RBFOX1: variants seen among roughly 807,000 people sequenced by gnomAD.
RBFOX1 encodes the protein RNA binding fox-1 homolog 1.
A neutral mutation model predicts 57.7 loss-of-function variants in RBFOX1; 8 were observed. The observed-to-expected ratio is 0.14, with a 90% CI of 0.08 to 0.25. RBFOX1 has a LOEUF of 0.25. Ranked by LOEUF, RBFOX1 falls within the 10% of genes least tolerant of loss-of-function variation. The probability of loss-of-function intolerance (pLI) is 1.00; values close to 1 mark genes in which losing one functional copy is unlikely to be tolerated. For missense variants in RBFOX1, 611 were observed against 548.5 expected (o/e 1.11, Z -1.14); for synonymous variants, 326 against 222.4 (o/e 1.47, Z -4.15).
intron 3 of RBFOX1, among the ~76,000 whole-genome samples, chr16:5,770,319 C>T (rs1434626276): frequency 6.6e-6 from 1 of 152,180 alleles, no homozygotes; most frequent in Non-Finnish European, 1.5e-5. Context: ...GCCCTCACTG[C>T]TCTTTGTATG....
chr16:6,691,973 T>C (rs1052709655), intron 3 of RBFOX1, among the ~76,000 whole-genome samples: 1 of 152,110 alleles, frequency 6.6e-6, no homozygotes, highest in African/African-American at 2.4e-5. Context: ...GCTGGAAAAG[T>C]TAGGGACATG....
At chr16:6,848,176 C>G (rs1471912732) in intron 3 of RBFOX1, among the ~76,000 whole-genome samples, 1 of 152,042 alleles carries the variant, frequency 6.6e-6, no homozygotes, top group Non-Finnish European at 1.5e-5. Flanking sequence ...AGGCTGATCA[C>G]AGCCTCCTTG....
intron 10 of RBFOX1, among the ~76,000 whole-genome samples, chr16:7,611,069 G>T (rs2057379331): frequency 6.6e-6 from 1 of 152,156 alleles, no homozygotes; most frequent in South Asian, 2.1e-4. Context: ...ATATAAGGTT[G>T]TGTGTTAATG....
chr16:5,553,361 G>C (rs983732369), intron 2 of RBFOX1, among the ~76,000 whole-genome samples: 6 of 151,048 alleles, frequency 4.0e-5, no homozygotes, highest in African/African-American at 1.5e-4. Flanking sequence ...TTTTACCCGG[G>C]CCAGAGTGCA....
intron 4 of RBFOX1, among the ~76,000 whole-genome samples, chr16:7,441,966 T>C (rs755890489): frequency 1.3e-5 from 2 of 152,366 alleles, no homozygotes; most frequent in South Asian, 2.1e-4. Context: ...GCCCGTTCTT[T>C]GCTGCCATGC....
chr16:7,683,026 A>ATGTGTGTGTG (rs2075256688), intron 14 of RBFOX1, among the ~76,000 whole-genome samples: 2 of 89,162 alleles, frequency 2.2e-5, no homozygotes, highest in African/African-American at 3.8e-5. Context: ...ATATATATAT[A>ATGTGTGTGTG]TATATATAAA....
At chr16:6,256,273 ATATATATATG>A (rs2097666086) in intron 1 of RBFOX1, among the ~76,000 whole-genome samples, 1 of 116,700 alleles carries the variant, frequency 8.6e-6, no homozygotes, top group African/African-American at 4.2e-5. Context: ...ATATATATGT[ATATATATATG>A]TGTGTATATA....
At chr16:7,416,516 C>T (rs950494991) in intron 4 of RBFOX1, among the ~76,000 whole-genome samples, 2 of 152,060 alleles carry the variant, frequency 1.3e-5, no homozygotes, top group African/African-American at 2.4e-5. Flanking sequence ...GCCTTGTAGA[C>T]AAGATGGGGA....
At chr16:6,171,169 C>G (rs577303992) in intron 1 of RBFOX1, among the ~76,000 whole-genome samples, 3 of 152,264 alleles carry the variant, frequency 2.0e-5, no homozygotes, top group South Asian at 4.1e-4. Flanking sequence ...AGGATCTCTT[C>G]TTCCCTCTCT....
At chr16:7,249,342 C>T (rs1407558793) in intron 4 of RBFOX1, among the ~76,000 whole-genome samples, 2 of 151,982 alleles carry the variant, frequency 1.3e-5, no homozygotes, top group Non-Finnish European at 1.5e-5. Flanking sequence ...ATAGGAGGAG[C>T]CTGGAGGACA....
intron 4 of RBFOX1, among the ~76,000 whole-genome samples, chr16:7,093,488 T>A (rs2061198345): frequency 6.6e-6 from 1 of 152,220 alleles, no homozygotes; most frequent in Admixed American, 6.5e-5. Context: ...TGGAAAGGGC[T>A]AGTTTCCCAG....
chr16:5,289,177 A>G, intron 1 of RBFOX1: 1 of 269,070 alleles, frequency 3.7e-6, no homozygotes, highest in Non-Finnish European at 7.6e-6. Flanking sequence ...CACTGATGTA[A>G]TGAGGCCTCC....
chr16:6,503,829 G>C (rs1247516258), intron 2 of RBFOX1, among the ~76,000 whole-genome samples: 1 of 152,238 alleles, frequency 6.6e-6, no homozygotes, highest in African/African-American at 2.4e-5. Context: ...AATGGGGATG[G>C]GATAAGTTTG....
chr16:7,204,026 C>T (rs910285861), intron 4 of RBFOX1, among the ~76,000 whole-genome samples: 1 of 152,254 alleles, frequency 6.6e-6, no homozygotes, highest in Non-Finnish European at 1.5e-5. Flanking sequence ...CTTTAACTAA[C>T]ATTTCGATCT....
intron 4 of RBFOX1, among the ~76,000 whole-genome samples, chr16:7,356,947 G>A (rs528462962): frequency 6.6e-6 from 1 of 152,308 alleles, no homozygotes; most frequent in East Asian, 1.9e-4. Flanking sequence ...ATCAAGTCTT[G>A]TTGCCTCTAG....
At chr16:7,014,979 CT>C (rs1166715570) in intron 3 of RBFOX1, among the ~76,000 whole-genome samples, 6 of 152,198 alleles carry the variant, frequency 3.9e-5, no homozygotes, top group Non-Finnish European at 8.8e-5. Context: ...CCGCCTGGAC[CT>C]CCCAAAGGGC....
chr16:7,442,572 G>A (rs560766549), intron 4 of RBFOX1, among the ~76,000 whole-genome samples: 1 of 152,260 alleles, frequency 6.6e-6, no homozygotes, highest in East Asian at 1.9e-4. Context: ...TCCCTAATGA[G>A]TTGTCCCTGC....
intron 3 of RBFOX1, among the ~76,000 whole-genome samples, chr16:6,909,850 G>A (rs1286712794): frequency 1.3e-5 from 2 of 151,974 alleles, no homozygotes; most frequent in African/African-American, 2.4e-5. Flanking sequence ...GTGTCTGCTC[G>A]GACCACCCTC....
chr16:7,303,456 G>A (rs1307778091), intron 4 of RBFOX1, among the ~76,000 whole-genome samples: 3 of 152,372 alleles, frequency 2.0e-5, no homozygotes, highest in Admixed American at 6.5e-5. Flanking sequence ...GGGCCATCGC[G>A]CTAATTGTCC....
Sources: allele counts gnomAD v4.1 joint callset (sites outside exome capture counted in the v4.1 genomes callset), GRCh38; gene constraint gnomAD v4.1.1; transcripts MANE v1.5; gene names NCBI Gene and HGNC (gene_info 2026-07-23, HGNC 2026-07-21).